The following CENPP variants were observed in gnomAD, a reference collection of about 807,000 sequenced individuals.
CENPP encodes the protein centromere protein P.
A neutral mutation model predicts 35.6 loss-of-function variants in CENPP; 24 were observed. The observed-to-expected ratio is 0.67, with a 90% confidence interval of 0.49 to 0.95. The LOEUF (loss-of-function observed/expected upper bound fraction) is 0.95. Among genes scored for constraint, CENPP ranks in the 40% least tolerant of loss-of-function variants. CENPP has a pLI of 0.00. For synonymous variants in CENPP, 120 were observed against 125.5 expected, an observed-to-expected ratio of 0.96 and a Z score of 0.29; for missense variants, 332 against 345.3, an observed-to-expected ratio of 0.96 and a Z score of 0.31.
At chr9:92,571,088 G>T (rs1176151078) in intron 5 of CENPP, among the ~76,000 whole-genome samples, 1 of 151,886 alleles carries the variant, frequency 6.6e-6, no homozygotes, top group African/African-American at 2.4e-5. Flanking sequence ...CTTCAGTTCT[G>T]CTCTGATCTT....
chr9:92,393,943 T>G (rs1382517720), intron 5 of CENPP, among the ~76,000 whole-genome samples: 1 of 152,224 alleles, frequency 6.6e-6, no homozygotes, highest in Non-Finnish European at 1.5e-5. Context: ...TGATAATATC[T>G]TTGGTCACTT....
intron 5 of CENPP, chr9:92,501,066 A>G (rs1237997025): frequency 6.2e-7 from 1 of 1,609,006 alleles, no homozygotes; most frequent in Non-Finnish European, 8.5e-7. Flanking sequence ...GCAGCAAAGA[A>G]AAAAGTAAAC....
intron 5 of CENPP, chr9:92,386,155 A>T (rs1588080015): frequency 1.4e-6 from 2 of 1,405,974 alleles, no homozygotes; most frequent in African/African-American, 2.8e-5. Context: ...CAAGATTTTG[A>T]CTCATAGGTA....
chr9:92,500,916 G>GA lies in CENPP; in HGVS notation c.565-110398_565-110397insA, dbSNP rs978764730. The GA allele has an allele frequency of 2.5e-6, 4 of 1,614,042 alleles. No individual in the cohort carries two copies. The African/African-American group carries it at 5.3e-5, about 22-fold the overall frequency. ...TGACAGGTACAAGTATTCCAGGCCT[G>GA]GTTCCATGTGGCCAAACACATAGCC... is the stretch of plus-strand genomic sequence containing the variant. On this transcript the variant is annotated intron_variant, in intron 5 of 7. Transcript: ENST00000375587.
At chr9:92,392,957 T>C (rs1842746670) in intron 5 of CENPP, 1 of 650,766 alleles carries the variant, frequency 1.5e-6, no homozygotes, top group African/African-American at 1.8e-5. Context: ...TTGTGAAACA[T>C]GTTAGATATT....
intron 5 of CENPP, chr9:92,403,655 GTT>G: frequency 8.9e-7 from 1 of 1,126,566 alleles, no homozygotes; most frequent in Non-Finnish European, 1.1e-6. Context: ...TTGGAAAATA[GTT>G]TTACTTCTCT....
Position 92,518,213 on chromosome 9 carries a change from G to A in CENPP, c.565-93101G>A, listed in dbSNP as rs1178987326. On this transcript the variant is annotated intron_variant, in intron 5 of 7. Coordinates refer to ENST00000375587, the MANE Select transcript of CENPP (RefSeq NM_001012267.3). ...CTCAGTTATTTTTCATTTATACTTT[G>A]TGTCTAATGTGGGGACACAGGGGCT... Among the ~76,000 whole-genome samples, 3 of 152,106 alleles carry A rather than the reference G, an allele frequency of 2.0e-5. No individual in the cohort carries two copies. The East Asian group carries it at 5.8e-4, about 29-fold the overall frequency.
chr9:92,509,092 G>A (rs922211762), intron 5 of CENPP, among the ~76,000 whole-genome samples: 1 of 151,442 alleles, frequency 6.6e-6, no homozygotes, highest in East Asian at 2.0e-4. Flanking sequence ...GCACAGTCCC[G>A]AAACAAGCAG....
rs1439724165 is a variant in CENPP at position 92,385,691 on chromosome 9, G to A, written c.564+5832G>A. The A allele has an allele frequency of 1.2e-6, 2 of 1,614,124 alleles. No homozygotes were observed. Among genetic ancestry groups the A allele is most frequent in the Non-Finnish European group, 1.7e-6 (2 of 1,179,996 alleles). ...TTTGGATGCTTTCCCAGGACGATTG[G>A]ATTGCCCTCCAGGCGTATCTCTTCA... On this transcript the variant is annotated intron_variant, in intron 5 of 7. Coordinates refer to ENST00000375587, the MANE Select transcript of CENPP (RefSeq NM_001012267.3).
intron 5 of CENPP, chr9:92,403,285 G>A (rs780949897): frequency 1.2e-6 from 2 of 1,609,048 alleles, no homozygotes; most frequent in African/African-American, 1.3e-5. Context: ...GGCTAAATAT[G>A]GATTCTTCAA....
At chr9:92,334,454 T>G (rs991695049) in intron 2 of CENPP, among the ~76,000 whole-genome samples, 1 of 152,182 alleles carries the variant, frequency 6.6e-6, no homozygotes, top group Non-Finnish European at 1.5e-5. Context: ...TTTATTCTTG[T>G]CTTTTGATTA....
chr9:92,611,852 G>GC (rs1231133220), intron 6 of CENPP, among the ~76,000 whole-genome samples: 1 of 152,242 alleles, frequency 6.6e-6, no homozygotes, highest in Non-Finnish European at 1.5e-5. Flanking sequence ...CCTTGGCTGT[G>GC]CATGTGTGGA....
At chr9:92,506,511 G>A (rs1207025697) in intron 5 of CENPP, among the ~76,000 whole-genome samples, 1 of 152,206 alleles carries the variant, frequency 6.6e-6, no homozygotes, top group Non-Finnish European at 1.5e-5. Context: ...GAGGCTCAGG[G>A]TGTGGCCAAA....
intron 5 of CENPP, among the ~76,000 whole-genome samples, chr9:92,416,425 A>G (rs1271747025): frequency 6.6e-6 from 1 of 152,136 alleles, no homozygotes; most frequent in Non-Finnish European, 1.5e-5. Context: ...TATTTAAGGC[A>G]ATAAAATTTA....
At chr9:92,434,104 T>C (rs1279680647) in intron 5 of CENPP, among the ~76,000 whole-genome samples, 1 of 151,900 alleles carries the variant, frequency 6.6e-6, no homozygotes, top group Non-Finnish European at 1.5e-5. Context: ...GAATGAATAA[T>C]TGGAGACTGG....
intron 5 of CENPP, chr9:92,600,345 G>C: frequency 6.5e-7 from 1 of 1,532,968 alleles, no homozygotes; most frequent in African/African-American, 1.4e-5. Flanking sequence ...AAATTCCCCA[G>C]CTCTTCGTTT....
intron 5 of CENPP, among the ~76,000 whole-genome samples, chr9:92,580,749 A>C (rs7865680): frequency 0.31 from 44,011 of 143,942 alleles, 2,375 homozygotes; most frequent in African/African-American, 0.48. Context: ...TTTTCAAAAA[A>C]CCAGCTCCTG....
chr9:92,582,736 A>C (rs924748519), intron 5 of CENPP, among the ~76,000 whole-genome samples: 7 of 152,174 alleles, frequency 4.6e-5, no homozygotes, highest in Admixed American at 2.0e-4. Flanking sequence ...GGTGGCAAGT[A>C]ATAGAAACAA....
In CENPP at chr9:92,419,904, T is replaced by G. The variant is rs370803779; in HGVS notation, c.564+40045T>G. ...TTGGTATAATTGAGAGAATAGTTAC[T>G]TAAGTTATTTTCTTTGACAGAACCC... On this transcript the variant is annotated intron_variant, in intron 5 of 7. Transcript: ENST00000375587. 1.2e-4 allele frequency among the ~76,000 whole-genome samples: 18 copies of G among 152,322 alleles called. No individual in the cohort carries two copies. The East Asian group carries it at 2.5e-3, about 21-fold the overall frequency.
Sources: gnomAD v4.1 joint callset for allele counts (sites outside exome capture counted in the v4.1 genomes callset) on GRCh38, gnomAD v4.1.1 for gene constraint, MANE v1.5 for transcripts, NCBI Gene and HGNC (gene_info 2026-07-23, HGNC 2026-07-21) for gene names.